TMEM65: variants seen among roughly 807,000 people sequenced by gnomAD.
TMEM65 encodes transmembrane protein 65.
In TMEM65, 22 loss-of-function variants were observed where a neutral mutation model predicts 25.4. That is an observed-to-expected ratio of 0.86 (90% CI 0.62 to 1.23). The LOEUF is 1.23. TMEM65 is among the 50% of genes most tolerant of loss of function. The pLI is 0.00. For missense variants in TMEM65, 262 were observed against 308.2 expected (o/e 0.85, Z 1.12); for synonymous variants, 132 against 126.2 (o/e 1.05, Z -0.31).
chr8:124,325,496 G>A (rs1298843847), intron 3 of TMEM65, among the ~76,000 whole-genome samples: 2 of 151,832 alleles, frequency 1.3e-5, no homozygotes, highest in Admixed American at 6.6e-5. Context: ...GAAGTCAGTG[G>A]CTTAAACATT....
intron 1 of TMEM65, among the ~76,000 whole-genome samples, chr8:124,356,760 T>A (rs1445478015): frequency 1.3e-5 from 2 of 152,040 alleles, no homozygotes; most frequent in Non-Finnish European, 2.9e-5. Flanking sequence ...CAGGCTGGAG[T>A]GTAATGGCGT....
Position 124,311,466 on chromosome 8 carries a change from T to C in TMEM65, c.*2494A>G, listed in dbSNP as rs1814158992. On this transcript the variant is annotated 3_prime_UTR_variant, in exon 7 of 7. Transcript: ENST00000297632. The stretch of plus-strand genomic sequence containing the variant: ...CCATTTAACATACATGGCAACAAAA[T>C]GCACCCAATTTACATGCATCAACAA... The C allele has an allele frequency of 6.6e-6, 1 of 152,598 alleles. No individual in the cohort carries two copies. Among genetic ancestry groups the C allele is most frequent in the African/African-American group, 2.4e-5 (1 of 41,452 alleles). The allele number at this position is 152,598 out of a possible 1,614,324, so 9.5% of individuals were successfully genotyped here. A position where few individuals can be genotyped will look rare whatever the true frequency, so the allele number is the denominator to read the frequency against.
intron 1 of TMEM65, among the ~76,000 whole-genome samples, chr8:124,348,320 T>C (rs1049237187): frequency 6.6e-6 from 1 of 152,132 alleles, no homozygotes; most frequent in Non-Finnish European, 1.5e-5. Context: ...TACTGACCTG[T>C]AGTTTCACAC....
At chr8:124,314,315 T>C (rs1270551419) in intron 6 of TMEM65, among the ~76,000 whole-genome samples, 2 of 152,214 alleles carry the variant, frequency 1.3e-5, no homozygotes, top group African/African-American at 2.4e-5. Context: ...TCCAAACTGC[T>C]ACACAAACTT....
At chr8:124,354,146 T>A (rs1172773818) in intron 1 of TMEM65, among the ~76,000 whole-genome samples, 1 of 151,936 alleles carries the variant, frequency 6.6e-6, no homozygotes, top group African/African-American at 2.4e-5. Context: ...CCCAAAGACA[T>A]GCTACAAAAA....
At chr8:124,364,373 G>A (rs1448401339) in intron 1 of TMEM65, among the ~76,000 whole-genome samples, 1 of 152,168 alleles carries the variant, frequency 6.6e-6, no homozygotes, top group East Asian at 1.9e-4. Flanking sequence ...GAGGAGGAGG[G>A]AGGGGCAGAC....
chr8:124,369,418 T>C (rs1238688684), intron 1 of TMEM65, among the ~76,000 whole-genome samples: 1 of 152,198 alleles, frequency 6.6e-6, no homozygotes, highest in Non-Finnish European at 1.5e-5. Flanking sequence ...GCATGGATGA[T>C]ATTTTTTCAG....
At chr8:124,319,842 ATAAGAGATACTCCCTAATAC>A (rs1406772263) in intron 6 of TMEM65, among the ~76,000 whole-genome samples, 2 of 152,190 alleles carry the variant, frequency 1.3e-5, no homozygotes, top group Non-Finnish European at 2.9e-5. Flanking sequence ...ACCCCAACCT[ATAAGAGATACTCCCTAATAC>A]TAAGTGAATT....
At chr8:124,332,120 CT>C (rs1270614854) in intron 1 of TMEM65, among the ~76,000 whole-genome samples, 1 of 152,016 alleles carries the variant, frequency 6.6e-6, no homozygotes, top group African/African-American at 2.4e-5. Context: ...AAAATATATT[CT>C]TATTTTTGAT....
chr8:124,330,386 T>C (rs1814415801), intron 2 of TMEM65, among the ~76,000 whole-genome samples: 1 of 151,906 alleles, frequency 6.6e-6, no homozygotes, highest in Admixed American at 6.6e-5. Flanking sequence ...AGAGAACAGT[T>C]GTATCTCGCC....
chr8:124,323,302 A>G lies in TMEM65; in HGVS notation c.472+19T>C. 7.4e-7 allele frequency: 1 copy of G among 1,349,146 alleles called. No homozygotes were observed. The highest frequency in any genetic ancestry group is 1.0e-6 in the Non-Finnish European group (1 of 966,408). 83.6% of individuals were successfully genotyped at this position (1,349,146 alleles called of 1,614,324 possible). A position where few individuals can be genotyped will look rare whatever the true frequency, so the allele number is the denominator to read the frequency against. ...TATAAGTGTACAATGAAATAATAAC[A>G]TTTACTACTGTTAAATACCTGCCAT... On this transcript the variant is annotated intron_variant, in intron 4 of 6. Coordinates refer to ENST00000297632, the MANE Select transcript of TMEM65 (RefSeq NM_194291.3).
chr8:124,367,025 T>C (rs1814947559), intron 1 of TMEM65, among the ~76,000 whole-genome samples: 2 of 152,354 alleles, frequency 1.3e-5, no homozygotes, highest in East Asian at 3.8e-4. Context: ...GGTGGGGCTA[T>C]ACTTCCCTTA....
chr8:124,324,249 T>G (rs921507166), intron 3 of TMEM65, among the ~76,000 whole-genome samples: 1 of 152,034 alleles, frequency 6.6e-6, no homozygotes, highest in Non-Finnish European at 1.5e-5. Flanking sequence ...CGCCCTGTAT[T>G]TTACGTAGAA....
intron 6 of TMEM65, 119 bp from the exon 7 acceptor site, chr8:124,314,180 C>A (rs985151053): frequency 1.4e-6 from 1 of 727,260 alleles, no homozygotes; most frequent in South Asian, 1.6e-5. Context: ...CATATATATT[C>A]CTCTTCAATA....
At chr8:124,317,382 T>A (rs1814251813) in intron 6 of TMEM65, among the ~76,000 whole-genome samples, 1 of 152,192 alleles carries the variant, frequency 6.6e-6, no homozygotes, top group African/African-American at 2.4e-5. Context: ...TCAGAAATTT[T>A]ATTTGATTTC....
intron 1 of TMEM65, among the ~76,000 whole-genome samples, chr8:124,332,538 T>C (rs543652907): frequency 6.6e-6 from 1 of 152,170 alleles, no homozygotes; most frequent in Admixed American, 6.5e-5. Context: ...AAAAATCAAA[T>C]AATGTAATCA....
rs541260814 is a variant in TMEM65 at position 124,350,855 on chromosome 8, T to C, written c.305-20063A>G. ...AATTAAATATAAATATTTTGCCTTT[T>C]CTTAAAGTTATAAAATTTAATCCTT... On this transcript the variant is annotated intron_variant, in intron 1 of 6. Coordinates refer to ENST00000297632, the MANE Select transcript of TMEM65 (RefSeq NM_194291.3). The C allele has an allele frequency of 8.9e-5, 28 of 313,326 alleles. No individual in the cohort carries two copies. In the South Asian group the frequency reaches 3.5e-3, roughly 39 times the overall value. 19.4% of individuals were successfully genotyped at this position (313,326 alleles called of 1,614,324 possible).
At chr8:124,344,194 C>A (rs1274288592) in intron 1 of TMEM65, among the ~76,000 whole-genome samples, 2 of 152,134 alleles carry the variant, frequency 1.3e-5, no homozygotes, top group Non-Finnish European at 2.9e-5. Context: ...AAATAAGGAA[C>A]CAATGTGGTT....
At position 124,330,732 on chromosome 8, in the gene TMEM65, A is replaced by G. The variant is rs1814421538; in HGVS notation, c.349+16T>C. ...AAGACAGATGAACATATATTTAACA[A>G]TTATAGAACCATTACCATATCTCAG... On this transcript the variant is annotated intron_variant, in intron 2 of 6. Transcript: ENST00000297632. The G allele has an allele frequency of 2.5e-6, 4 of 1,591,464 alleles. No homozygotes were observed. Among genetic ancestry groups the G allele is most frequent in the East Asian group, 2.3e-5 (1 of 43,032 alleles).
Sources: gnomAD v4.1 joint callset for allele counts (sites outside exome capture counted in the v4.1 genomes callset) on GRCh38, gnomAD v4.1.1 for gene constraint, MANE v1.5 for transcripts, NCBI Gene and HGNC (gene_info 2026-07-23, HGNC 2026-07-21) for gene names.